The following POU2F1 variants were observed in gnomAD, a reference collection of about 807,000 sequenced individuals.
POU2F1 encodes the protein POU class 2 homeobox 1, also known as POU domain, class 2, transcription factor 1.
POU2F1 carries 16 observed loss-of-function variants against 84.9 expected under a neutral mutation model. The ratio of observed to expected loss-of-function variants is 0.19; its 90% CI spans 0.13 to 0.29. The LOEUF (loss-of-function observed/expected upper bound fraction) is 0.29, where lower values mean the gene tolerates loss of function less well. POU2F1 is among the 10% of genes least tolerant of loss of function. POU2F1 has a pLI of 1.00. For missense variants in POU2F1, 738 were observed against 942.6 expected (o/e 0.78, Z 2.84); for synonymous variants, 368 against 368.3 (o/e 1.00, Z 0.01).
chr1:167,249,609 C>T (rs564292685), intron 1 of POU2F1, among the ~76,000 whole-genome samples: 4 of 152,084 alleles, frequency 2.6e-5, no homozygotes, highest in Admixed American at 6.5e-5. Flanking sequence ...GAAGTGAAGA[C>T]GGGAGTGAAT....
At chr1:167,361,712 A>G (rs145740625) in intron 2 of POU2F1, among the ~76,000 whole-genome samples, 1 of 152,084 alleles carries the variant, frequency 6.6e-6, no homozygotes, top group Non-Finnish European at 1.5e-5. Flanking sequence ...AGTTCCTCCT[A>G]CTTGATTTTT....
At chr1:167,229,658 AC>A (rs1266955517) in intron 1 of POU2F1, among the ~76,000 whole-genome samples, 1 of 152,106 alleles carries the variant, frequency 6.6e-6, no homozygotes, top group African/African-American at 2.4e-5. Context: ...TTTTAAAGTA[AC>A]TCTGTAATAG....
At chr1:167,285,574 C>T (rs1236464636) in intron 1 of POU2F1, among the ~76,000 whole-genome samples, 1 of 150,176 alleles carries the variant, frequency 6.7e-6, no homozygotes, top group Non-Finnish European at 1.5e-5. Flanking sequence ...GCCTGGGTGA[C>T]AGACAGAGAC....
intron 1 of POU2F1, among the ~76,000 whole-genome samples, chr1:167,223,786 A>G (rs946237843): frequency 6.6e-6 from 1 of 152,194 alleles, no homozygotes; most frequent in Non-Finnish European, 1.5e-5. Context: ...TGCTTCAGAG[A>G]CCTGAAGTAT....
At chr1:167,294,220 G>A (rs1654130887) in intron 1 of POU2F1, among the ~76,000 whole-genome samples, 1 of 150,980 alleles carries the variant, frequency 6.6e-6, no homozygotes, top group African/African-American at 2.4e-5. Context: ...GTGGTGGCGG[G>A]CACCTGTGGT....
chr1:167,278,651 G>A lies in POU2F1; in HGVS notation c.62-53819G>A, dbSNP rs115110470. On this transcript the variant is annotated intron_variant, in intron 1 of 15. Coordinates refer to ENST00000367866, the MANE Select transcript of POU2F1 (RefSeq NM_002697.4). ...TGAGCTGTGGAATTGAATCTGTTCA[G>A]ATTGTCTGGGAACTTTATTTTTACC... 8.3e-3 allele frequency among the ~76,000 whole-genome samples: 1,259 copies of A among 152,284 alleles called. 14 individuals carry two copies. Among genetic ancestry groups the A allele is most frequent in the African/African-American group, 0.028 (1,183 of 41,540 alleles).
intron 8 of POU2F1, 119 bp downstream of exon 8, chr1:167,384,070 A>G: frequency 1.3e-6 from 1 of 781,084 alleles, no homozygotes. Context: ...AAAACTGACC[A>G]GAAAATCAAA....
At chr1:167,354,236 G>A (rs1207397901) in intron 2 of POU2F1, among the ~76,000 whole-genome samples, 1 of 152,032 alleles carries the variant, frequency 6.6e-6, no homozygotes, top group Admixed American at 6.5e-5. Flanking sequence ...AAATGACTTT[G>A]TACTTATCTC....
chr1:167,248,754 A>G (rs1004394855), intron 1 of POU2F1, among the ~76,000 whole-genome samples: 3 of 152,226 alleles, frequency 2.0e-5, no homozygotes, highest in African/African-American at 7.2e-5. Context: ...TTTAACTACA[A>G]TAATAGGTAA....
chr1:167,321,352 T>TGCTCA, intron 1 of POU2F1, among the ~76,000 whole-genome samples: 1 of 152,322 alleles, frequency 6.6e-6, no homozygotes, highest in South Asian at 2.1e-4. Context: ...TTCACAGTCC[T>TGCTCA]GCTCAGCTGA....
At chr1:167,362,047 C>T (rs1659387016) in intron 2 of POU2F1, among the ~76,000 whole-genome samples, 1 of 152,078 alleles carries the variant, frequency 6.6e-6, no homozygotes. Context: ...CCGCAATGTA[C>T]CTACCTCCAC....
At chr1:167,380,572 C>T (rs1647461936) in intron 7 of POU2F1, 3 of 152,152 alleles carry the variant, frequency 2.0e-5, no homozygotes, top group African/African-American at 4.8e-5. Context: ...AGTGGAAATA[C>T]GTCTATAAAC....
At chr1:167,387,551 C>G (rs1648071226) in intron 8 of POU2F1, among the ~76,000 whole-genome samples, 1 of 152,190 alleles carries the variant, frequency 6.6e-6, no homozygotes. Flanking sequence ...CTGTAGTTTT[C>G]TGGGACAGTT....
intron 1 of POU2F1, among the ~76,000 whole-genome samples, chr1:167,281,627 C>T (rs974873942): frequency 5.3e-5 from 8 of 152,194 alleles, no homozygotes; most frequent in Non-Finnish European, 8.8e-5. Context: ...ATGGTTCAAA[C>T]AGTTGACTAC....
At chr1:167,305,176 C>T (rs1283204853) in intron 1 of POU2F1, among the ~76,000 whole-genome samples, 4 of 151,774 alleles carry the variant, frequency 2.6e-5, no homozygotes, top group Non-Finnish European at 2.9e-5. Flanking sequence ...GGTGGGGACA[C>T]AGAGAATGTA....
chr1:167,415,844 C>G lies in POU2F1; in HGVS notation c.*34C>G. The stretch of plus-strand genomic sequence containing the variant: ...GAGCTGGGCTGCCAGAAGCCTTTTT[C>G]ACTCTGCAGTGTGATTGGACTGCCA... On this transcript the variant is annotated 3_prime_UTR_variant, in exon 16 of 16. Coordinates refer to ENST00000367866, the MANE Select transcript of POU2F1 (RefSeq NM_002697.4). 1.9e-6 allele frequency: 3 copies of G among 1,578,514 alleles called. No homozygotes were observed. The highest frequency in any genetic ancestry group is 2.6e-6 in the Non-Finnish European group (3 of 1,158,508).
intron 8 of POU2F1, 135 bp downstream of exon 8, chr1:167,384,086 G>T (rs1413334204): frequency 1.7e-5 from 11 of 666,550 alleles, no homozygotes; most frequent in East Asian, 2.9e-5. Context: ...TCAAAGCTAG[G>T]CTTATCAGCT....
chr1:167,329,309 G>A (rs1190417520), intron 1 of POU2F1: 1 of 1,548,376 alleles, frequency 6.5e-7, no homozygotes, highest in African/African-American at 1.4e-5. Flanking sequence ...TGTTCTAGGT[G>A]GGTACCAGCA....
intron 9 of POU2F1, among the ~76,000 whole-genome samples, chr1:167,394,208 C>T (rs765646274): frequency 4.0e-5 from 6 of 151,590 alleles, no homozygotes; most frequent in Admixed American, 1.3e-4. Context: ...TTAACAGAGA[C>T]GGGGGTTTTG....
Sources: allele counts gnomAD v4.1 joint callset (sites outside exome capture counted in the v4.1 genomes callset), GRCh38; gene constraint gnomAD v4.1.1; transcripts MANE v1.5; gene names NCBI Gene and HGNC (gene_info 2026-07-23, HGNC 2026-07-21).